HEATR5B: variants seen among roughly 807,000 people sequenced by gnomAD.
The protein encoded by HEATR5B is HEAT repeat containing 5B, also known as HEAT repeat-containing protein 5B.
Under a neutral mutation model 224.1 loss-of-function variants are expected in HEATR5B, and 156 were observed. The observed-to-expected ratio is 0.70, with a 90% CI of 0.61 to 0.80. The LOEUF is 0.80. Ranked by LOEUF, HEATR5B falls within the 30% of genes least tolerant of loss-of-function variation. The pLI, the probability that HEATR5B is intolerant of heterozygous loss-of-function variation, is 0.00. For synonymous variants in HEATR5B, 1,027 were observed against 893.0 expected, an observed-to-expected ratio of 1.15 and a Z score of -2.68; for missense variants, 2,323 against 2,535.5, an observed-to-expected ratio of 0.92 and a Z score of 1.80.
intron 24 of HEATR5B, among the ~76,000 whole-genome samples, chr2:37,022,905 A>G (rs914655070): frequency 6.6e-6 from 1 of 152,214 alleles, no homozygotes; most frequent in Non-Finnish European, 1.5e-5. Flanking sequence ...AGGGTCTGAC[A>G]TCTAATAAAA....
chr2:37,002,402 T>C lies in HEATR5B; in HGVS notation c.5221A>G (p.Ile1741Val). The C allele has an allele frequency of 6.2e-7, 1 of 1,614,262 alleles. No individual in the cohort carries two copies. Among genetic ancestry groups the C allele is most frequent in the Non-Finnish European group, 8.5e-7 (1 of 1,180,052 alleles). The change falls in exon 32 of 36, where the codon ATA (isoleucine) becomes GTA (valine). Residue 1741 changes from isoleucine to valine, a missense_variant. By Grantham distance (29) the Ile-to-Val change is conservative. Around this residue, in one of 12 missense-constraint regions of HEATR5B, gnomAD observed 844 missense variants for 812.9 expected, o/e 1.04. Transcript: ENST00000233099. ...STKVSDSPSH[I>V]ATKTRLSEES... is the part of the protein sequence containing the mutation. ...TCTGATAGTCGAGTTTTAGTGGCTATGTGACTTGGAGAGTCTGACACCTTG... is the reference window on the plus strand; with the variant it reads ...TCTGATAGTCGAGTTTTAGTGGCTACGTGACTTGGAGAGTCTGACACCTTG...
chr2:36,989,934 C>A (rs1276517036), intron 34 of HEATR5B, among the ~76,000 whole-genome samples: 3 of 110,068 alleles, frequency 2.7e-5, no homozygotes, highest in Non-Finnish European at 5.0e-5. Context: ...GAGACGGAGT[C>A]TCACACTGTT....
chr2:36,992,266 C>A (rs533840133), intron 33 of HEATR5B, among the ~76,000 whole-genome samples: 3 of 151,962 alleles, frequency 2.0e-5, no homozygotes, highest in Non-Finnish European at 2.9e-5. Context: ...TTTATAATAA[C>A]CTGAGTCACG....
intron 33 of HEATR5B, 51 bp downstream of exon 33, chr2:37,000,535 T>G (rs761316351): frequency 7.0e-7 from 1 of 1,422,786 alleles, no homozygotes; most frequent in Non-Finnish European, 9.9e-7. Flanking sequence ...AATTCATTAC[T>G]TAGGGAACAC....
intron 34 of HEATR5B, among the ~76,000 whole-genome samples, chr2:36,989,354 G>C (rs1008521866): frequency 6.6e-6 from 1 of 152,158 alleles, no homozygotes; most frequent in African/African-American, 2.4e-5. Flanking sequence ...AAAGTGCTGG[G>C]ATTACAGGTG....
At chr2:37,054,763 G>T (rs554266217) in intron 16 of HEATR5B, among the ~76,000 whole-genome samples, 7 of 152,276 alleles carry the variant, frequency 4.6e-5, no homozygotes, top group South Asian at 2.1e-4. Flanking sequence ...GATAACAGGT[G>T]TGAGCCACAA....
chr2:37,058,413 G>C, intron 14 of HEATR5B, 38 bp downstream of exon 14: 1 of 1,250,834 alleles, frequency 8.0e-7, no homozygotes, highest in Non-Finnish European at 1.2e-6. Flanking sequence ...GAATTGTAAA[G>C]AAAAATTTTT....
At chr2:37,027,626 C>T (rs1338722753) in intron 24 of HEATR5B, among the ~76,000 whole-genome samples, 4 of 152,184 alleles carry the variant, frequency 2.6e-5, no homozygotes, top group Non-Finnish European at 2.9e-5. Flanking sequence ...TCCAGGACAA[C>T]GTACTGAGAA....
chr2:37,055,242 A>G (rs1299094298), intron 16 of HEATR5B: 1 of 172,290 alleles, frequency 5.8e-6, no homozygotes, highest in African/African-American at 2.4e-5. Flanking sequence ...ACTTTCTATT[A>G]TTTATTCACT....
At chr2:36,988,909 G>C in intron 34 of HEATR5B, 50 bp from the exon 35 acceptor site, 1 of 1,360,902 alleles carries the variant, frequency 7.3e-7, no homozygotes, top group Non-Finnish European at 1.0e-6. Flanking sequence ...GTTCTTATTT[G>C]CTCTACAATC....
intron 29 of HEATR5B, among the ~76,000 whole-genome samples, chr2:37,006,538 G>A (rs754567565): frequency 5.3e-5 from 8 of 152,206 alleles, no homozygotes; most frequent in Non-Finnish European, 8.8e-5. Context: ...CTACTTGGGA[G>A]GCTGAGGCAG....
At chr2:37,063,524 G>T (rs1671409999) in intron 10 of HEATR5B, among the ~76,000 whole-genome samples, 1 of 152,160 alleles carries the variant, frequency 6.6e-6, no homozygotes, top group Non-Finnish European at 1.5e-5. Context: ...GTATGAGGAA[G>T]ATGGGACGTG....
intron 10 of HEATR5B, among the ~76,000 whole-genome samples, chr2:37,063,040 T>C (rs1671378618): frequency 6.6e-6 from 1 of 152,198 alleles, no homozygotes; most frequent in African/African-American, 2.4e-5. Flanking sequence ...CCTAAAGTGA[T>C]CCTCCAGCCT....
At position 37,075,699 on chromosome 2, in the gene HEATR5B, C is replaced by A. The variant is rs1236893769; in HGVS notation, c.448-65G>T. The stretch of plus-strand genomic sequence containing the variant: ...ATTCCATATTTAAACAAGAACACAC[C>A]AAGACAAAAGTTCTTTGGGTCTAAT... On this transcript the variant is annotated intron_variant, in intron 4 of 35. Coordinates refer to ENST00000233099, the MANE Select transcript of HEATR5B (RefSeq NM_019024.3). The A allele has an allele frequency of 2.2e-6, 3 of 1,347,786 alleles. No homozygotes were observed. In the East Asian group the frequency reaches 7.5e-5, roughly 34 times the overall value. The allele number at this position is 1,347,786 out of a possible 1,614,324, so 83.5% of individuals were successfully genotyped here.
intron 21 of HEATR5B, 117 bp downstream of exon 21, chr2:37,037,738 C>G (rs1414572519): frequency 1.8e-6 from 1 of 566,484 alleles, no homozygotes; most frequent in East Asian, 3.3e-5. Context: ...AGGCTTGCAT[C>G]AAAATACCCC....
chr2:37,079,201 A>G lies in HEATR5B; in HGVS notation c.257T>C (p.Phe86Ser), dbSNP rs1672406267. The change falls in exon 3 of 36, where the codon TTC becomes TCC. Residue 86 changes from phenylalanine to serine, a missense_variant. This residue lies in a region of HEATR5B where 292 missense variants were observed against 332.6 expected (regional missense o/e 0.88). Transcript: ENST00000233099. ...TTTATCAAGTGTCTGAAAAACTGTG[A>G]AAGTATCCCCAATGCTATAAAGGGC... ...LAALYSIGDT[F>S]TVFQTLDKCN... 6.2e-7 allele frequency: 1 copy of G among 1,609,014 alleles called. No homozygotes were observed. Among genetic ancestry groups the G allele is most frequent in the Non-Finnish European group, 8.5e-7 (1 of 1,175,470 alleles).
intron 31 of HEATR5B, 65 bp from the exon 32 acceptor site, chr2:37,002,637 T>C (rs1667167767): frequency 6.6e-7 from 1 of 1,504,132 alleles, no homozygotes; most frequent in African/African-American, 1.4e-5. Flanking sequence ...AACACAAGTA[T>C]ATTTAGGAAA....
At chr2:36,984,082 C>A (rs1176257002) in intron 35 of HEATR5B, among the ~76,000 whole-genome samples, 4 of 148,970 alleles carry the variant, frequency 2.7e-5, no homozygotes, top group Non-Finnish European at 5.9e-5. Flanking sequence ...CGCCTGTAAT[C>A]CCAGCTACTC....
rs1446646897 is a variant in HEATR5B at position 36,988,685 on chromosome 2, C to A, written c.5872G>T (p.Val1958Phe). 6.2e-7 allele frequency: 1 copy of A among 1,613,928 alleles called. No individual in the cohort carries two copies. The highest frequency in any genetic ancestry group is 1.3e-5 in the African/African-American group (1 of 74,916). The change falls in exon 35 of 36, where the codon GTT (valine) becomes TTT (phenylalanine). Residue 1958 changes from valine (V) to phenylalanine (F), a missense_variant. This residue lies in a region of HEATR5B where 844 missense variants were observed against 812.9 expected (regional missense o/e 1.04). Coordinates refer to ENST00000233099, the MANE Select transcript of HEATR5B (RefSeq NM_019024.3). The part of the protein sequence containing the change: ...ELLAVQEGIK[V>F]LETLVALGEE... ...CCAAGAGCAACCAGTGTTTCAAGAACTTTTATTCCTTCTTGAACCGCTAAA... is the reference window on the plus strand; with the variant it reads ...CCAAGAGCAACCAGTGTTTCAAGAAATTTTATTCCTTCTTGAACCGCTAAA...
Sources: allele counts gnomAD v4.1 joint callset (sites outside exome capture counted in the v4.1 genomes callset), GRCh38; gene constraint gnomAD v4.1.1; regional missense constraint gnomAD v4.1.1; transcripts MANE v1.5; gene names NCBI Gene and HGNC (gene_info 2026-07-23, HGNC 2026-07-21).